BBS9: variants seen among roughly 807,000 people sequenced by gnomAD.
BBS9 encodes protein PTHB1.
BBS9 carries 89 observed loss-of-function variants against 117.7 expected under a neutral mutation model. That is an observed-to-expected ratio of 0.76 (90% confidence interval 0.64 to 0.90). The LOEUF is 0.90. Among genes scored for constraint, BBS9 ranks in the 40% least tolerant of loss-of-function variants. The pLI is 0.00. For missense variants in BBS9, 982 were observed against 1,042.2 expected, an observed-to-expected ratio of 0.94 and a Z score of 0.80; for synonymous variants, 379 against 370.9, an observed-to-expected ratio of 1.02 and a Z score of -0.25.
At chr7:33,527,164 G>A (rs199665553) in intron 20 of BBS9, among the ~76,000 whole-genome samples, 27,904 of 151,294 alleles carry the variant, frequency 0.18, 3,592 homozygotes, top group East Asian at 0.42. Context: ...TGTCAGACAG[G>A]GACATTTAAG....
At chr7:33,271,140 T>G (rs1364318127) in intron 7 of BBS9, among the ~76,000 whole-genome samples, 1 of 152,112 alleles carries the variant, frequency 6.6e-6, no homozygotes, top group Admixed American at 6.5e-5. Flanking sequence ...GAAATAAGGA[T>G]CTTTTCAGAC....
At chr7:33,313,427 GT>G (rs938075595) in intron 9 of BBS9, among the ~76,000 whole-genome samples, 1 of 152,108 alleles carries the variant, frequency 6.6e-6, no homozygotes, top group African/African-American at 2.4e-5. Context: ...ACGTCTGAAA[GT>G]TACATCATTT....
intron 17 of BBS9, among the ~76,000 whole-genome samples, chr7:33,383,358 T>C (rs1268526943): frequency 1.3e-5 from 2 of 152,136 alleles, no homozygotes; most frequent in African/African-American, 2.4e-5. Flanking sequence ...GTACAGGCCT[T>C]TTTAAAGGAC....
At chr7:33,360,450 C>T (rs1045888100) in intron 16 of BBS9, among the ~76,000 whole-genome samples, 2 of 151,394 alleles carry the variant, frequency 1.3e-5, no homozygotes, top group African/African-American at 4.9e-5. Flanking sequence ...ATATAGAAAA[C>T]ATTTATTTAC....
intron 19 of BBS9, among the ~76,000 whole-genome samples, chr7:33,440,843 T>A (rs1482337500): frequency 1.3e-5 from 2 of 152,134 alleles, no homozygotes; most frequent in African/African-American, 4.8e-5. Flanking sequence ...AATTTATAAT[T>A]TAATAAATGG....
chr7:33,440,722 T>TTATTCAAAAA (rs1357141746), intron 19 of BBS9, among the ~76,000 whole-genome samples: 1 of 152,242 alleles, frequency 6.6e-6, no homozygotes, highest in Non-Finnish European at 1.5e-5. Flanking sequence ...ATAGGGAATT[T>TTATTCAAAAA]TTGAATATGG....
chr7:33,594,092 A>C (rs1417169379), intron 21 of BBS9, among the ~76,000 whole-genome samples: 2 of 152,098 alleles, frequency 1.3e-5, no homozygotes, highest in African/African-American at 4.8e-5. Flanking sequence ...CTCTGACTGG[A>C]GCCCTTATAC....
intron 19 of BBS9, among the ~76,000 whole-genome samples, chr7:33,475,845 ACAT>A (rs780988071): frequency 3.9e-5 from 6 of 152,314 alleles, no homozygotes; most frequent in Middle Eastern, 3.4e-3. Context: ...ACTGACAATC[ACAT>A]CATAATTCCT....
intron 19 of BBS9, among the ~76,000 whole-genome samples, chr7:33,438,383 A>C (rs1173195195): frequency 6.6e-6 from 1 of 152,228 alleles, no homozygotes; most frequent in Non-Finnish European, 1.5e-5. Flanking sequence ...GAAACCAGGT[A>C]CAAAATTAAG....
Position 33,254,468 on chromosome 7 carries a change from C to T in BBS9, c.443-2768C>T, listed in dbSNP as rs577074034. 7.2e-5 allele frequency among the ~76,000 whole-genome samples: 11 copies of T among 152,234 alleles called. No homozygotes were observed. The South Asian group carries it at 2.1e-3, about 29-fold the overall frequency. On this transcript the variant is annotated intron_variant, in intron 5 of 22. Coordinates refer to ENST00000242067, the MANE Select transcript of BBS9 (RefSeq NM_198428.3). ...TACATTGTGTAATGATTACCAGAAT[C>T]AAGCTAATTAATATTAGTATGGATC... is the stretch of plus-strand genomic sequence containing the variant.
At chr7:33,379,359 C>T (rs1397542077) in intron 17 of BBS9, among the ~76,000 whole-genome samples, 1 of 152,128 alleles carries the variant, frequency 6.6e-6, no homozygotes, top group Non-Finnish European at 1.5e-5. Context: ...AATACATTTT[C>T]ACTGAAAATT....
chr7:33,569,570 G>A (rs1563376721), intron 21 of BBS9, among the ~76,000 whole-genome samples: 1 of 151,460 alleles, frequency 6.6e-6, no homozygotes, highest in Non-Finnish European at 1.5e-5. Context: ...CCTGGCTATG[G>A]TGAAATCCCA....
intron 21 of BBS9, among the ~76,000 whole-genome samples, chr7:33,540,505 G>A (rs1254652765): frequency 6.6e-6 from 1 of 152,168 alleles, no homozygotes; most frequent in Non-Finnish European, 1.5e-5. Context: ...AGAATTACAG[G>A]TGGTGTCTGA....
At chr7:33,198,050 A>G (rs56271710) in intron 5 of BBS9, among the ~76,000 whole-genome samples, 2,581 of 152,078 alleles carry the variant, frequency 0.017, 60 homozygotes, top group African/African-American at 0.059. Flanking sequence ...CACCTATATT[A>G]TATTACTATT....
chr7:33,422,264 A>G (rs990138257), intron 19 of BBS9, among the ~76,000 whole-genome samples: 8 of 152,300 alleles, frequency 5.3e-5, no homozygotes, highest in Admixed American at 3.9e-4. Flanking sequence ...TCACAGTAAC[A>G]TGTAAGTAAT....
chr7:33,345,623 A>G (rs777164616), intron 12 of BBS9, among the ~76,000 whole-genome samples: 33 of 152,160 alleles, frequency 2.2e-4, no homozygotes, highest in Admixed American at 1.1e-3. Flanking sequence ...TCTTTCCCCA[A>G]CCTCCTTTCC....
chr7:33,522,627 A>G (rs1253485757), intron 20 of BBS9, among the ~76,000 whole-genome samples: 1 of 151,674 alleles, frequency 6.6e-6, no homozygotes, highest in Admixed American at 6.6e-5. Context: ...GTTTGAGTTC[A>G]TTGTAGATTC....
At chr7:33,291,764 A>G (rs79655860) in intron 9 of BBS9, among the ~76,000 whole-genome samples, 1,702 of 152,310 alleles carry the variant, frequency 0.011, 40 homozygotes, top group African/African-American at 0.039. Context: ...ACTGAATAGC[A>G]GTGTTAAATG....
At chr7:33,176,757 A>T (rs1001641944) in intron 4 of BBS9, among the ~76,000 whole-genome samples, 2 of 152,126 alleles carry the variant, frequency 1.3e-5, no homozygotes, top group African/African-American at 4.8e-5. Context: ...ATGCTTCTTT[A>T]TGGAAAAAAT....
Sources: gnomAD v4.1 joint callset for allele counts (sites outside exome capture counted in the v4.1 genomes callset) on GRCh38, gnomAD v4.1.1 for gene constraint, MANE v1.5 for transcripts, NCBI Gene and HGNC (gene_info 2026-07-23, HGNC 2026-07-21) for gene names.